Variants in LAMA2 observed in about 807,000 individuals in gnomAD.
LAMA2 encodes the protein laminin subunit alpha 2.
LAMA2 carries 269 observed loss-of-function variants against 364.8 expected under a neutral mutation model. That is an observed-to-expected ratio of 0.74 (90% CI 0.67 to 0.82). The LOEUF (loss-of-function observed/expected upper bound fraction) is 0.82, where lower values mean the gene tolerates loss of function less well. Among genes scored for constraint, LAMA2 ranks in the 40% least tolerant of loss-of-function variants. LAMA2 has a pLI of 0.00. For missense variants in LAMA2, 3,807 were observed against 3,873.2 expected, an observed-to-expected ratio of 0.98 and a Z score of 0.45; for synonymous variants, 1,379 against 1,370.6, an observed-to-expected ratio of 1.01 and a Z score of -0.14.
chr6:129,513,509 C>T (rs1444862617), intron 63 of LAMA2, among the ~76,000 whole-genome samples: 1 of 152,174 alleles, frequency 6.6e-6, no homozygotes, highest in East Asian at 1.9e-4. Flanking sequence ...ATATAGTAAA[C>T]ATTTCATTAA....
rs567982579 is a variant in LAMA2 at position 129,452,555 on chromosome 6, A to G, written c.6430-433A>G. On this transcript the variant is annotated intron_variant, in intron 45 of 64. Coordinates refer to ENST00000421865, the MANE Select transcript of LAMA2 (RefSeq NM_000426.4). ...GGTTGGTAATTTCCTCTTGAAAACT[A>G]AAAGAAAAATAGTTTCTTAGTTTAA... Among the ~76,000 whole-genome samples, 3 of 152,308 alleles carry G rather than the reference A, an allele frequency of 2.0e-5. No homozygotes were observed. The South Asian group carries it at 6.2e-4, about 32-fold the overall frequency.
intron 4 of LAMA2, among the ~76,000 whole-genome samples, chr6:129,121,671 A>C (rs534204770): frequency 6.6e-6 from 1 of 152,202 alleles, no homozygotes; most frequent in South Asian, 2.1e-4. Context: ...GTGAATCTCT[A>C]TATTAGACTT....
At chr6:129,404,976 C>A (rs573359482) in intron 40 of LAMA2, among the ~76,000 whole-genome samples, 4 of 151,984 alleles carry the variant, frequency 2.6e-5, no homozygotes, top group African/African-American at 9.7e-5. Flanking sequence ...CTTGAGTGAG[C>A]CCTACTAATG....
chr6:129,081,474 A>T (rs1215087413), intron 3 of LAMA2, among the ~76,000 whole-genome samples: 1 of 152,226 alleles, frequency 6.6e-6, no homozygotes, highest in Admixed American at 6.5e-5. Context: ...AAGTTTTTGT[A>T]TTATTAAATG....
intron 1 of LAMA2, among the ~76,000 whole-genome samples, chr6:128,919,346 C>T (rs893714953): frequency 5.3e-5 from 8 of 152,176 alleles, no homozygotes; most frequent in Admixed American, 2.0e-4. Context: ...TCAGTCAATC[C>T]TGATAATACC....
chr6:129,198,035 G>T (rs897447867), intron 12 of LAMA2, among the ~76,000 whole-genome samples: 2 of 151,966 alleles, frequency 1.3e-5, no homozygotes. Flanking sequence ...CTAGATAGGA[G>T]AATGTTCCAT....
At chr6:129,306,314 T>C (rs1472842700) in intron 22 of LAMA2, among the ~76,000 whole-genome samples, 1 of 94,848 alleles carries the variant, frequency 1.1e-5, no homozygotes, top group East Asian at 5.5e-4. Flanking sequence ...AATTTTTTCC[T>C]TTTTTTTTTT....
chr6:129,081,337 AC>A (rs1433226669), intron 3 of LAMA2, among the ~76,000 whole-genome samples: 1 of 152,198 alleles, frequency 6.6e-6, no homozygotes, highest in Non-Finnish European at 1.5e-5. Context: ...GCACATGTAT[AC>A]ATATGTAACA....
At chr6:128,986,453 A>AATATATATATATATAAATAT (rs1783244557) in intron 1 of LAMA2, among the ~76,000 whole-genome samples, 1 of 152,142 alleles carries the variant, frequency 6.6e-6, no homozygotes, top group Non-Finnish European at 1.5e-5. Context: ...AAATAGAGAA[A>AATATATATATATATAAATAT]ATACATTATA....
intron 34 of LAMA2, 27 bp from the exon 35 acceptor site, chr6:129,383,095 A>G (rs1344621460): frequency 6.4e-7 from 1 of 1,568,550 alleles, no homozygotes; most frequent in Non-Finnish European, 8.8e-7. Flanking sequence ...TCTATTAATT[A>G]TGTGTTTCCC....
intron 1 of LAMA2, chr6:128,930,056 T>C (rs1488838817): frequency 5.3e-6 from 2 of 377,664 alleles, no homozygotes; most frequent in Non-Finnish European, 9.6e-6. Context: ...CCCGCAGCCC[T>C]GCAGGGCCGG....
chr6:128,944,268 G>A (rs1780359287), intron 1 of LAMA2, among the ~76,000 whole-genome samples: 1 of 152,086 alleles, frequency 6.6e-6, no homozygotes, highest in Non-Finnish European at 1.5e-5. Context: ...TTGGACTTGG[G>A]TTTAGATATT....
At chr6:128,943,850 A>G (rs934062988) in intron 1 of LAMA2, among the ~76,000 whole-genome samples, 1 of 152,220 alleles carries the variant, frequency 6.6e-6, no homozygotes, top group African/African-American at 2.4e-5. Flanking sequence ...AGCAATTCTC[A>G]TTAATAAAGA....
chr6:129,268,679 T>A (rs1441142235), intron 16 of LAMA2, among the ~76,000 whole-genome samples: 2 of 152,074 alleles, frequency 1.3e-5, no homozygotes, highest in East Asian at 1.9e-4. Context: ...CTACTAATGA[T>A]GCCTAGTTTA....
chr6:129,162,113 C>T (rs1174567407), intron 8 of LAMA2, among the ~76,000 whole-genome samples: 1 of 152,152 alleles, frequency 6.6e-6, no homozygotes, highest in East Asian at 1.9e-4. Context: ...TTTACTTTCC[C>T]ACCAGCAGTG....
intron 2 of LAMA2, among the ~76,000 whole-genome samples, chr6:129,054,622 A>G (rs1173254161): frequency 1.3e-5 from 2 of 150,632 alleles, no homozygotes; most frequent in African/African-American, 4.9e-5. Context: ...GTATATACAT[A>G]TACTTATGTA....
chr6:128,945,283 A>G (rs900626396), intron 1 of LAMA2, among the ~76,000 whole-genome samples: 1 of 152,158 alleles, frequency 6.6e-6, no homozygotes, highest in African/African-American at 2.4e-5. Context: ...ACCTTGACCT[A>G]TGAAAAAATT....
chr6:128,925,383 A>T (rs1779023550), intron 1 of LAMA2, among the ~76,000 whole-genome samples: 1 of 152,220 alleles, frequency 6.6e-6, no homozygotes, highest in Non-Finnish European at 1.5e-5. Flanking sequence ...CCTTGAGGAC[A>T]TTCTGCTAAG....
At chr6:129,145,995 G>A (rs1778409662) in intron 5 of LAMA2, among the ~76,000 whole-genome samples, 1 of 151,412 alleles carries the variant, frequency 6.6e-6, no homozygotes, top group Admixed American at 6.6e-5. Context: ...TCAAGGTCTA[G>A]GTATATCAAA....
Sources: gnomAD v4.1 joint callset for allele counts (sites outside exome capture counted in the v4.1 genomes callset) on GRCh38, gnomAD v4.1.1 for gene constraint, MANE v1.5 for transcripts, NCBI Gene and HGNC (gene_info 2026-07-23, HGNC 2026-07-21) for gene names.